Variants in ZNF486 observed in about 807,000 individuals in gnomAD.
ZNF486 encodes zinc finger protein 486.
ZNF486 carries 12 observed loss-of-function variants against 12.8 expected under a neutral mutation model. That is an observed-to-expected ratio of 0.94 (90% CI 0.60 to 1.52). ZNF486 has a LOEUF of 1.52. ZNF486 is among the 40% of genes most tolerant of loss of function. The pLI, the probability that ZNF486 is intolerant of heterozygous loss-of-function variation, is 0.00. For missense variants in ZNF486, 738 were observed against 545.0 expected (o/e 1.35, Z -3.53); for synonymous variants, 231 against 184.9 (o/e 1.25, Z -2.02).
At chr19:20,181,317 A>T (rs1289077724) in intron 1 of ZNF486, among the ~76,000 whole-genome samples, 1 of 152,130 alleles carries the variant, frequency 6.6e-6, no homozygotes. Flanking sequence ...AGGCGGGCAG[A>T]TCATGAGGTC....
intron 3 of ZNF486, among the ~76,000 whole-genome samples, chr19:20,191,595 C>T (rs1201060528): frequency 6.6e-6 from 1 of 150,980 alleles, no homozygotes. Flanking sequence ...CGGTGAAACC[C>T]CGTCTCTATT....
chr19:20,198,948 A>G lies in ZNF486; in HGVS notation c.*846A>G, dbSNP rs898802047. The G allele has an allele frequency of 2.0e-5, 3 of 150,532 alleles. No individual in the cohort carries two copies. Among genetic ancestry groups the G allele is most frequent in the Non-Finnish European group, 4.4e-5 (3 of 68,024 alleles). The allele number at this position is 150,532 out of a possible 1,614,324, so 9.3% of individuals were successfully genotyped here. ...TTCTATGCATAAAAAAAATTATACT[A>G]CACCATAGAAATGTATGAAATGTGA... On this transcript the variant is annotated 3_prime_UTR_variant, in exon 4 of 4. Coordinates refer to ENST00000335117, the MANE Select transcript of ZNF486 (RefSeq NM_052852.4).
chr19:20,171,950 A>G (rs544962894), intron 1 of ZNF486, among the ~76,000 whole-genome samples: 2 of 149,740 alleles, frequency 1.3e-5, no homozygotes, highest in South Asian at 4.2e-4. Context: ...AGCTCTTAAT[A>G]ACATGCATTT....
chr19:20,194,023 A>T (rs2089932713), intron 3 of ZNF486, among the ~76,000 whole-genome samples: 1 of 152,044 alleles, frequency 6.6e-6, no homozygotes, highest in Non-Finnish European at 1.5e-5. Flanking sequence ...TTTGCTAATT[A>T]TATTTTTTAT....
At chr19:20,172,210 T>A (rs936177305) in intron 1 of ZNF486, among the ~76,000 whole-genome samples, 1 of 151,640 alleles carries the variant, frequency 6.6e-6, no homozygotes, top group Non-Finnish European at 1.5e-5. Context: ...TCCACGTGGG[T>A]CAGGCTGATC....
chr19:20,196,307 T>C (rs1328850448), intron 3 of ZNF486, among the ~76,000 whole-genome samples: 1 of 152,194 alleles, frequency 6.6e-6, no homozygotes, highest in African/African-American at 2.4e-5. Context: ...TGAGCTATCA[T>C]GCCTTGTTGG....
chr19:20,179,432 C>A (rs2089760228), intron 1 of ZNF486, among the ~76,000 whole-genome samples: 1 of 152,098 alleles, frequency 6.6e-6, no homozygotes, highest in Non-Finnish European at 1.5e-5. Flanking sequence ...GGTTATAACC[C>A]TTAAGCTTGA....
At chr19:20,178,260 G>A (rs1450345392) in intron 1 of ZNF486, among the ~76,000 whole-genome samples, 1 of 148,840 alleles carries the variant, frequency 6.7e-6, no homozygotes, top group East Asian at 2.0e-4. Context: ...TTTTCTTTTT[G>A]AGACAAAGTC....
chr19:20,196,813 A>G lies in ZNF486; in HGVS notation c.254-151A>G, dbSNP rs1207358230. On this transcript the variant is annotated intron_variant, in intron 3 of 3. Coordinates refer to ENST00000335117, the MANE Select transcript of ZNF486 (RefSeq NM_052852.4). ...GTATTTTGGTCAGTATGTTTTTGTT[A>G]CCTTTATATGTCCAGGAAGAAATTA... 4 of 1,086,904 alleles carry G rather than the reference A, an allele frequency of 3.7e-6. No individual in the cohort carries two copies. In the Admixed American group the frequency reaches 1.4e-4, roughly 39 times the overall value. 67.3% of individuals were successfully genotyped at this position (1,086,904 alleles called of 1,614,324 possible). A position where few individuals can be genotyped will look rare whatever the true frequency, so the allele number is the denominator to read the frequency against.
At chr19:20,180,150 A>T (rs782804295) in intron 1 of ZNF486, among the ~76,000 whole-genome samples, 1 of 152,228 alleles carries the variant, frequency 6.6e-6, no homozygotes, top group East Asian at 1.9e-4. Context: ...TGTCCAGAGC[A>T]GAATTGTGTT....
At chr19:20,175,484 C>T (rs905368207) in intron 1 of ZNF486, among the ~76,000 whole-genome samples, 51 of 151,320 alleles carry the variant, frequency 3.4e-4, no homozygotes, top group Admixed American at 2.1e-3. Flanking sequence ...TGCGGCCTTC[C>T]GCAGTGTTTG....
At chr19:20,177,763 AGG>A (rs1331488637) in intron 1 of ZNF486, among the ~76,000 whole-genome samples, 1 of 151,884 alleles carries the variant, frequency 6.6e-6, no homozygotes, top group Non-Finnish European at 1.5e-5. Context: ...TTTAGTAGAG[AGG>A]GGGTTTGTCA....
At chr19:20,190,812 C>G (rs1307548884) in intron 3 of ZNF486, among the ~76,000 whole-genome samples, 1 of 152,110 alleles carries the variant, frequency 6.6e-6, no homozygotes, top group African/African-American at 2.4e-5. Context: ...CCTAGTTGGT[C>G]TATAATATGG....
chr19:20,176,718 G>C (rs1006392596), intron 1 of ZNF486: 42 of 154,466 alleles, frequency 2.7e-4, no homozygotes, highest in African/African-American at 1.0e-3. Context: ...GCAGGCACTC[G>C]GCAGGCTGAG....
At chr19:20,186,154 C>A in intron 3 of ZNF486, 72 bp downstream of exon 3, 1 of 1,145,458 alleles carries the variant, frequency 8.7e-7, no homozygotes, top group Non-Finnish European at 1.2e-6. Flanking sequence ...GAAAGCCAGT[C>A]CTTAAAATGT....
At chr19:20,183,924 CTT>C (rs2089813673) in intron 1 of ZNF486, among the ~76,000 whole-genome samples, 1 of 148,704 alleles carries the variant, frequency 6.7e-6, no homozygotes, top group East Asian at 2.1e-4. Flanking sequence ...AAAAATCAGA[CTT>C]TATGCCAGAT....
At chr19:20,193,277 T>C (rs1413948125) in intron 3 of ZNF486, among the ~76,000 whole-genome samples, 1 of 151,840 alleles carries the variant, frequency 6.6e-6, no homozygotes, top group Non-Finnish European at 1.5e-5. Context: ...ATTAAAAAAC[T>C]TTAAAGTTTT....
chr19:20,199,188 G>C lies in ZNF486; in HGVS notation c.*1086G>C, dbSNP rs1417905032. The C allele has an allele frequency of 6.6e-6, 1 of 152,258 alleles. No individual in the cohort carries two copies. Among genetic ancestry groups the C allele is most frequent in the South Asian group, 2.1e-4 (1 of 4,828 alleles). The allele number at this position is 152,258 out of a possible 1,614,324, so 9.4% of individuals were successfully genotyped here. A position where few individuals can be genotyped will look rare whatever the true frequency, so the allele number is the denominator to read the frequency against. On this transcript the variant is annotated 3_prime_UTR_variant, in exon 4 of 4. Transcript: ENST00000335117. The stretch of plus-strand genomic sequence containing the variant: ...ACTCAACAGAAGAAGGTTCATAAAA[G>C]AGCAATTACTGTGACAAAAATCTTT...
At chr19:20,171,514 C>A (rs1555713883) in intron 1 of ZNF486, among the ~76,000 whole-genome samples, 1 of 152,192 alleles carries the variant, frequency 6.6e-6, no homozygotes. Flanking sequence ...AGTCTACTGG[C>A]ATGTCTCCAC....
Sources: gnomAD v4.1 joint callset for allele counts (sites outside exome capture counted in the v4.1 genomes callset) on GRCh38, gnomAD v4.1.1 for gene constraint, MANE v1.5 for transcripts, NCBI Gene and HGNC (gene_info 2026-07-23, HGNC 2026-07-21) for gene names.